The following RYR3 variants were observed in gnomAD, a reference collection of about 807,000 sequenced individuals.
RYR3 encodes brain ryanodine receptor-calcium release channel.
A neutral mutation model predicts 584.3 loss-of-function variants in RYR3; 207 were observed. The ratio of observed to expected loss-of-function variants is 0.35; its 90% confidence interval spans 0.32 to 0.40. The LOEUF (loss-of-function observed/expected upper bound fraction) is 0.40, where lower values mean the gene tolerates loss of function less well. Among genes scored for constraint, RYR3 ranks in the 10% least tolerant of loss-of-function variants. The pLI is 1.00. For missense variants in RYR3, 5,616 were observed against 6,089.2 expected, an observed-to-expected ratio of 0.92 and a Z score of 2.59; for synonymous variants, 2,416 against 2,248.5, an observed-to-expected ratio of 1.07 and a Z score of -2.11.
chr15:33,618,156 G>C (rs2060545189), intron 19 of RYR3, among the ~76,000 whole-genome samples: 1 of 151,082 alleles, frequency 6.6e-6, no homozygotes, highest in South Asian at 2.1e-4. Flanking sequence ...AAATTTGGGT[G>C]CTAATTTTTT....
chr15:33,490,170 G>C (rs1018355534), intron 2 of RYR3, among the ~76,000 whole-genome samples: 2 of 152,264 alleles, frequency 1.3e-5, no homozygotes, highest in Middle Eastern at 3.4e-3. Context: ...CCAGGATTTT[G>C]CTGCTTTCTC....
At chr15:33,642,629 T>C (rs1291830045) in intron 27 of RYR3, among the ~76,000 whole-genome samples, 1 of 152,250 alleles carries the variant, frequency 6.6e-6, no homozygotes, top group Non-Finnish European at 1.5e-5. Flanking sequence ...AAGCAATTCT[T>C]ATTCTACACT....
chr15:33,719,971 G>T (rs1033205839), intron 43 of RYR3, among the ~76,000 whole-genome samples: 10 of 152,240 alleles, frequency 6.6e-5, no homozygotes, highest in African/African-American at 2.4e-4. Flanking sequence ...ATGGATTCTG[G>T]TTTAATAAAA....
chr15:33,627,442 A>T (rs993596003), intron 20 of RYR3, among the ~76,000 whole-genome samples: 1 of 152,168 alleles, frequency 6.6e-6, no homozygotes, highest in Non-Finnish European at 1.5e-5. Context: ...TAAATGCAGG[A>T]GGATAAACGT....
chr15:33,456,734 A>G (rs2047594126), intron 1 of RYR3, among the ~76,000 whole-genome samples: 1 of 152,138 alleles, frequency 6.6e-6, no homozygotes, highest in Admixed American at 6.5e-5. Flanking sequence ...TGTTACTTTC[A>G]CCTATTCCTG....
Position 33,311,189 on chromosome 15 carries a change from G to GGGTGCCC in RYR3, c.51+100_51+106dup, listed in dbSNP as rs1567001707. The GGGTGCCC allele has an allele frequency of 2.0e-6, 2 of 998,238 alleles. No homozygotes were observed. Among genetic ancestry groups the GGGTGCCC allele is most frequent in the Non-Finnish European group, 2.7e-6 (2 of 740,212 alleles). The allele number at this position is 998,238 out of a possible 1,614,324, so 61.8% of individuals were successfully genotyped here. On this transcript the variant is annotated intron_variant, in intron 1 of 103. Coordinates refer to ENST00000634891, the MANE Select transcript of RYR3 (RefSeq NM_001036.6). The surrounding 1 kb of genome is among the most constrained non-coding windows in gnomAD (Gnocchi z 4.4). ...GCTGGCTGCGCTGCGCCGCGGTGCC[G>GGGTGCCC]GGTGCCCGGTGCCGGGCGCTTTCTC...
intron 10 of RYR3, among the ~76,000 whole-genome samples, chr15:33,562,504 T>C (rs908455229): frequency 1.3e-5 from 2 of 152,184 alleles, no homozygotes; most frequent in African/African-American, 4.8e-5. Flanking sequence ...AGATTACTTA[T>C]TAAGTTATAT....
In RYR3 at chr15:33,311,001, A is replaced by AGC; in HGVS notation, c.-44_-43dup. ...CGCACGCCGAGCGGCTGCCGGGGGAAGCAGAGGCGCCGGAGGCTGGGGCAC... is the reference window on the plus strand; with the variant it reads ...CGCACGCCGAGCGGCTGCCGGGGGAAGCGCAGAGGCGCCGGAGGCTGGGGCAC... On this transcript the variant is annotated 5_prime_UTR_variant, in exon 1 of 104. Transcript: ENST00000634891. This position sits in a 1 kb window ranked among gnomAD's most constrained non-coding sequence, Gnocchi z 4.4. 4 of 1,506,446 alleles carry AGC rather than the reference A, an allele frequency of 2.7e-6. No individual in the cohort carries two copies. The highest frequency in any genetic ancestry group is 3.6e-6 in the Non-Finnish European group (4 of 1,105,690). The allele number at this position is 1,506,446 out of a possible 1,614,324, so 93.3% of individuals were successfully genotyped here. A position where few individuals can be genotyped will look rare whatever the true frequency, so the allele number is the denominator to read the frequency against.
intron 14 of RYR3, 54 bp from the exon 15 acceptor site, chr15:33,584,341 A>G: frequency 1.1e-6 from 1 of 923,482 alleles, no homozygotes; most frequent in African/African-American, 1.6e-5. Flanking sequence ...CCAAGTTCTC[A>G]CGCCCATCAT....
chr15:33,576,659 A>C (rs1056545822), intron 12 of RYR3, among the ~76,000 whole-genome samples: 2 of 152,252 alleles, frequency 1.3e-5, no homozygotes, highest in African/African-American at 4.8e-5. Context: ...AGTCAATATC[A>C]TACTGAATGA....
At chr15:33,636,015 C>A (rs1264691813) in intron 26 of RYR3, among the ~76,000 whole-genome samples, 196 bp downstream of exon 26, 1 of 152,172 alleles carries the variant, frequency 6.6e-6, no homozygotes, top group African/African-American at 2.4e-5. Flanking sequence ...AGCACTGTAC[C>A]CCAAATCCTT....
intron 1 of RYR3, among the ~76,000 whole-genome samples, chr15:33,404,502 A>G (rs549128798): frequency 6.6e-6 from 1 of 151,996 alleles, no homozygotes; most frequent in African/African-American, 2.4e-5. Context: ...AACTACTATC[A>G]TTGAAATAGC....
chr15:33,337,468 G>T (rs1173193769), intron 1 of RYR3, among the ~76,000 whole-genome samples: 3 of 152,022 alleles, frequency 2.0e-5, no homozygotes, highest in African/African-American at 7.2e-5. Flanking sequence ...GGATATAGAA[G>T]AAACACTCCC....
At chr15:33,810,676 G>T in intron 71 of RYR3, 27 bp downstream of exon 71, 1 of 1,613,572 alleles carries the variant, frequency 6.2e-7, no homozygotes, top group Non-Finnish European at 8.5e-7. Flanking sequence ...CCTGGGCTGA[G>T]TGTGTGATCC....
At chr15:33,856,320 C>G (rs1003988205) in intron 98 of RYR3, 7 of 152,300 alleles carry the variant, frequency 4.6e-5, no homozygotes, top group Non-Finnish European at 7.3e-5. Flanking sequence ...TACCCACTCC[C>G]TTTTGTGTGG....
At position 33,603,009 on chromosome 15, in the gene RYR3, C is replaced by A; in HGVS notation, c.1923-114C>A. 3 of 1,073,472 alleles carry A rather than the reference C, an allele frequency of 2.8e-6. No individual in the cohort carries two copies. In the South Asian group the frequency reaches 4.5e-5, roughly 16 times the overall value. The allele number at this position is 1,073,472 out of a possible 1,614,324, so 66.5% of individuals were successfully genotyped here. On this transcript the variant is annotated intron_variant, in intron 17 of 103. Transcript: ENST00000634891. Reference sequence around the variant, plus strand: ...CATCTTTTGAGCAATATGAAATACACAGCATTGCTCTTGTCCTACGTGTAA... The same window carrying A: ...CATCTTTTGAGCAATATGAAATACAAAGCATTGCTCTTGTCCTACGTGTAA...
Position 33,649,131 on chromosome 15 carries a change from A to T in RYR3, c.4038A>T (p.Gly1346=). ...AGGATCCATCCTGTGTCTGGGTCGG[A>T]TGGGTGACTCCAGACTATCACTTGT... ...AGQDPSCVWV[G]WVTPDYHLYS... is the part of the protein sequence containing the mutation. The change falls in exon 31 of 104, where the codon GGA becomes GGT. Residue 1346 remains glycine, a synonymous_variant. Coordinates refer to ENST00000634891, the MANE Select transcript of RYR3 (RefSeq NM_001036.6). 1 of 1,613,822 alleles carries T rather than the reference A, an allele frequency of 6.2e-7. No homozygotes were observed. Among genetic ancestry groups the T allele is most frequent in the East Asian group, 2.2e-5 (1 of 44,880 alleles).
chr15:33,322,908 TCAAA>T (rs941715605), intron 1 of RYR3, among the ~76,000 whole-genome samples: 8 of 151,270 alleles, frequency 5.3e-5, no homozygotes, highest in African/African-American at 1.9e-4. Flanking sequence ...CACTCTGTTG[TCAAA>T]CAATGTATCA....
intron 38 of RYR3, among the ~76,000 whole-genome samples, chr15:33,677,250 C>G (rs565605274): frequency 6.6e-6 from 1 of 152,284 alleles, no homozygotes; most frequent in East Asian, 1.9e-4. Context: ...GATAGGGAAG[C>G]ATGGATGTTT....
Sources: gnomAD v4.1 joint callset for allele counts (sites outside exome capture counted in the v4.1 genomes callset) on GRCh38, gnomAD v4.1.1 for gene constraint, Gnocchi (gnomAD v3.1) non-coding constraint, MANE v1.5 for transcripts, NCBI Gene and HGNC (gene_info 2026-07-23, HGNC 2026-07-21) for gene names.